FAM76A: variants seen among roughly 807,000 people sequenced by gnomAD.
The protein encoded by FAM76A is family with sequence similarity 76 member A, also known as protein FAM76A.
In FAM76A, 32 loss-of-function variants were observed where a neutral mutation model predicts 46.2. That is an observed-to-expected ratio of 0.69 (90% CI 0.52 to 0.93). FAM76A has a LOEUF of 0.93. Among genes scored for constraint, FAM76A ranks in the 40% least tolerant of loss-of-function variants. The probability of loss-of-function intolerance (pLI) is 0.00; values close to 1 mark genes in which losing one functional copy is unlikely to be tolerated. For synonymous variants in FAM76A, 137 were observed against 127.0 expected (o/e 1.08, Z -0.53); for missense variants, 274 against 361.5 (o/e 0.76, Z 1.96).
chr1:27,741,892 AAAAAG>A (rs1200946608), intron 4 of FAM76A, among the ~76,000 whole-genome samples: 2 of 145,308 alleles, frequency 1.4e-5, no homozygotes, highest in African/African-American at 5.7e-5. Context: ...CAAAAAAAAA[AAAAAG>A]AGAGAGGATG....
chr1:27,743,131 T>A (rs1458851683), intron 4 of FAM76A, among the ~76,000 whole-genome samples: 1 of 152,170 alleles, frequency 6.6e-6, no homozygotes, highest in East Asian at 1.9e-4. Context: ...CATTCCACAA[T>A]GTATACATTT....
At chr1:27,748,631 G>A (rs1446495914) in intron 5 of FAM76A, among the ~76,000 whole-genome samples, 3 of 151,264 alleles carry the variant, frequency 2.0e-5, no homozygotes, top group East Asian at 2.0e-4. Flanking sequence ...ACAGGCGCCC[G>A]CCACCTCGCC....
intron 4 of FAM76A, 103 bp downstream of exon 4, chr1:27,734,286 G>T: frequency 8.1e-7 from 1 of 1,227,362 alleles, no homozygotes; most frequent in Non-Finnish European, 1.1e-6. Flanking sequence ...GGTGGCTCAT[G>T]CCTGTAATCC....
At chr1:27,744,877 C>A in intron 5 of FAM76A, 66 bp downstream of exon 5, 1 of 1,450,714 alleles carries the variant, frequency 6.9e-7, no homozygotes, top group South Asian at 1.2e-5. Context: ...CTCACATAAC[C>A]ATCATGGTAC....
chr1:27,726,225 T>C, intron 1 of FAM76A, 64 bp downstream of exon 1: 1 of 1,215,750 alleles, frequency 8.2e-7, no homozygotes, highest in Non-Finnish European at 1.0e-6. Context: ...GAGCTCCAGA[T>C]TCTGTGGGGA....
chr1:27,760,236 G>T, intron 8 of FAM76A: 1 of 385,084 alleles, frequency 2.6e-6, no homozygotes, highest in Non-Finnish European at 5.0e-6. Flanking sequence ...TCACTTCACA[G>T]TTTGTATTGC....
chr1:27,732,520 C>A, intron 2 of FAM76A, 83 bp from the exon 3 acceptor site: 2 of 1,226,762 alleles, frequency 1.6e-6, no homozygotes, highest in Non-Finnish European at 2.3e-6. Context: ...TGGCCCTTAG[C>A]AATGAGCAAA....
At chr1:27,731,336 TGG>T (rs2087954577) in intron 2 of FAM76A, among the ~76,000 whole-genome samples, 1 of 151,762 alleles carries the variant, frequency 6.6e-6, no homozygotes, top group Non-Finnish European at 1.5e-5. Flanking sequence ...CCTGAGTAGC[TGG>T]GATTACAGGC....
intron 4 of FAM76A, among the ~76,000 whole-genome samples, chr1:27,744,372 C>T (rs2148577727): frequency 6.6e-6 from 1 of 152,232 alleles, no homozygotes; most frequent in Non-Finnish European, 1.5e-5. Context: ...CGTGATCTAC[C>T]CACCTTGGCC....
At chr1:27,738,501 TTAATAA>T (rs891492955) in intron 4 of FAM76A, among the ~76,000 whole-genome samples, 11 of 151,488 alleles carry the variant, frequency 7.3e-5, no homozygotes, top group African/African-American at 2.7e-4. Flanking sequence ...AATAATAATA[TTAATAA>T]TAATAAACAG....
intron 4 of FAM76A, among the ~76,000 whole-genome samples, chr1:27,741,595 A>G (rs2088154859): frequency 6.6e-6 from 1 of 152,052 alleles, no homozygotes; most frequent in African/African-American, 2.4e-5. Flanking sequence ...AAATAGAAAA[A>G]CAGGCCAGGC....
rs916290670 is a variant in FAM76A at position 27,749,031 on chromosome 1, T to C, written c.513-37T>C. 7.2e-6 allele frequency: 10 copies of C among 1,379,880 alleles called. No homozygotes were observed. The Middle Eastern group carries it at 5.4e-4, about 75-fold the overall frequency. 85.5% of individuals were successfully genotyped at this position (1,379,880 alleles called of 1,614,324 possible). A position where few individuals can be genotyped will look rare whatever the true frequency, so the allele number is the denominator to read the frequency against. ...ATTGTGATGTTTTGTTAATCTTTGA[T>C]TTCTAATGTGTGTCTCTCTATTTTT... is the stretch of plus-strand genomic sequence containing the variant. On this transcript the variant is annotated intron_variant, in intron 5 of 8. Coordinates refer to ENST00000373954, the MANE Select transcript of FAM76A (RefSeq NM_152660.3).
intron 4 of FAM76A, chr1:27,740,176 A>T: frequency 1.8e-6 from 1 of 555,484 alleles, no homozygotes; most frequent in Non-Finnish European, 3.4e-6. Flanking sequence ...AAGCTGGAAC[A>T]GTGGGTAAAA....
At chr1:27,749,218 A>ATAT (rs994278638) in intron 6 of FAM76A, 64 bp downstream of exon 6, 9 of 1,148,290 alleles carry the variant, frequency 7.8e-6, no homozygotes, top group Non-Finnish European at 1.1e-5. Context: ...TGAAACAGGA[A>ATAT]TACATTTAGG....
intron 8 of FAM76A, 152 bp downstream of exon 8, chr1:27,759,779 G>GTTTTTGTTTTTTTT: frequency 2.8e-6 from 1 of 359,620 alleles, no homozygotes. Context: ...TTTTTTTTTT[G>GTTTTTGTTTTTTTT]TTTTTTTTTT....
intron 4 of FAM76A, among the ~76,000 whole-genome samples, chr1:27,735,527 C>T (rs2088029757): frequency 6.6e-6 from 1 of 152,142 alleles, no homozygotes; most frequent in Non-Finnish European, 1.5e-5. Flanking sequence ...TCTTGCTTAC[C>T]AAATTCATTA....
intron 4 of FAM76A, among the ~76,000 whole-genome samples, chr1:27,737,036 A>G (rs2088060222): frequency 6.6e-6 from 1 of 151,218 alleles, no homozygotes; most frequent in African/African-American, 2.4e-5. Flanking sequence ...CACAACCTCC[A>G]CCTCCTAGGT....
At chr1:27,744,622 C>T in intron 4 of FAM76A, 32 bp from the exon 5 acceptor site, 2 of 1,610,408 alleles carry the variant, frequency 1.2e-6, no homozygotes, top group Non-Finnish European at 1.7e-6. Context: ...GCTAAATTCC[C>T]TCTTCTTTAT....
rs573325200 is a variant in FAM76A, at chr1:27,726,514, G to T, written c.81+353G>T. On this transcript the variant is annotated intron_variant, in intron 1 of 8. Coordinates refer to ENST00000373954, the MANE Select transcript of FAM76A (RefSeq NM_152660.3). ...GCGGTCTCCCTGGTGGGGACCTCCT[G>T]CCCCTCCTGGGACTGAACTCCAAAG... Among the ~76,000 whole-genome samples, 33 of 152,348 alleles carry T rather than the reference G, an allele frequency of 2.2e-4. No homozygotes were observed. In the East Asian group the frequency reaches 6.2e-3, roughly 28 times the overall value.
Sources: gnomAD v4.1 joint callset for allele counts (sites outside exome capture counted in the v4.1 genomes callset) on GRCh38, gnomAD v4.1.1 for gene constraint, MANE v1.5 for transcripts, NCBI Gene and HGNC (gene_info 2026-07-23, HGNC 2026-07-21) for gene names.